KCNAB1: variants seen among roughly 807,000 people sequenced by gnomAD.
KCNAB1 encodes voltage-gated potassium channel subunit beta-1.
A neutral mutation model predicts 64.6 loss-of-function variants in KCNAB1; 35 were observed. The ratio of observed to expected loss-of-function variants is 0.54; its 90% confidence interval spans 0.41 to 0.72. KCNAB1 has a LOEUF of 0.72. Ranked by LOEUF, KCNAB1 falls within the 30% of genes least tolerant of loss-of-function variation. KCNAB1 has a pLI of 0.00. For missense variants in KCNAB1, 401 were observed against 512.9 expected, an observed-to-expected ratio of 0.78 and a Z score of 2.11; for synonymous variants, 177 against 183.8, an observed-to-expected ratio of 0.96 and a Z score of 0.30.
intron 8 of KCNAB1, among the ~76,000 whole-genome samples, chr3:156,499,100 G>GAA (rs1487086536): frequency 6.6e-6 from 1 of 152,334 alleles, no homozygotes; most frequent in East Asian, 1.9e-4. Context: ...GTGTTTTTGA[G>GAA]AAAGTTAGTT....
chr3:156,264,925 C>T (rs1363422930), intron 1 of KCNAB1, among the ~76,000 whole-genome samples: 1 of 152,184 alleles, frequency 6.6e-6, no homozygotes, highest in Non-Finnish European at 1.5e-5. Flanking sequence ...TTATTTGGTT[C>T]CCCAACTACT....
At chr3:156,453,993 C>T (rs16826202) in intron 3 of KCNAB1, among the ~76,000 whole-genome samples, 12,927 of 152,266 alleles carry the variant, frequency 0.085, 739 homozygotes, top group African/African-American at 0.16. Flanking sequence ...TCATTCCTAA[C>T]GAGACAGTTG....
At chr3:156,348,378 G>A (rs1724630944) in intron 1 of KCNAB1, among the ~76,000 whole-genome samples, 1 of 152,178 alleles carries the variant, frequency 6.6e-6, no homozygotes, top group South Asian at 2.1e-4. Flanking sequence ...AGATCAGGGT[G>A]GTGGCAGGAA....
intron 1 of KCNAB1, among the ~76,000 whole-genome samples, chr3:156,206,935 C>A (rs1714700556): frequency 6.6e-6 from 1 of 152,200 alleles, no homozygotes; most frequent in East Asian, 1.9e-4. Flanking sequence ...TTTATTTTTA[C>A]CAAGGAGCCT....
chr3:156,358,700 A>C (rs1298639196), intron 1 of KCNAB1, among the ~76,000 whole-genome samples: 1 of 152,086 alleles, frequency 6.6e-6, no homozygotes, highest in Admixed American at 6.6e-5. Flanking sequence ...GAGAGCCTGA[A>C]CTGGCTCTGG....
At chr3:156,364,210 A>C (rs766749707) in intron 1 of KCNAB1, among the ~76,000 whole-genome samples, 10 of 152,246 alleles carry the variant, frequency 6.6e-5, no homozygotes, top group Non-Finnish European at 1.3e-4. Flanking sequence ...TAGAATTAAG[A>C]GTACAGATTT....
At chr3:156,210,599 C>A (rs537574456) in intron 1 of KCNAB1, among the ~76,000 whole-genome samples, 1 of 152,284 alleles carries the variant, frequency 6.6e-6, no homozygotes, top group South Asian at 2.1e-4. Context: ...ATGCTGAGAG[C>A]AGCCATGCTA....
chr3:156,503,045 A>G (rs550463961), intron 8 of KCNAB1, among the ~76,000 whole-genome samples: 101 of 152,368 alleles, frequency 6.6e-4, no homozygotes, highest in Non-Finnish European at 9.7e-4. Flanking sequence ...CAATAATAGC[A>G]TTGTACTCTA....
At position 156,284,709 on chromosome 3, in the gene KCNAB1, G is replaced by T. The variant is rs535931699; in HGVS notation, c.276-136907G>T. The stretch of plus-strand genomic sequence containing the variant: ...AGCCCGTCGGAAAAGTGCAGTATTC[G>T]GGTGGGAGTGACCCGATTTTCCAGG... On this transcript the variant is annotated intron_variant, in intron 1 of 13. Transcript: ENST00000490337. Among the ~76,000 whole-genome samples, 60 of 152,278 alleles carry T rather than the reference G, an allele frequency of 3.9e-4. 1 individual carries two copies. In the South Asian group the frequency reaches 0.011, roughly 28 times the overall value.
intron 1 of KCNAB1, among the ~76,000 whole-genome samples, chr3:156,362,325 C>T (rs2108109460): frequency 6.6e-6 from 1 of 152,310 alleles, no homozygotes; most frequent in Middle Eastern, 3.4e-3. Flanking sequence ...AGTGAAGCAA[C>T]AGTTAAATGC....
At chr3:156,202,141 G>T (rs1014870934) in intron 1 of KCNAB1, among the ~76,000 whole-genome samples, 3 of 152,168 alleles carry the variant, frequency 2.0e-5, no homozygotes, top group African/African-American at 7.2e-5. Context: ...TGCTACAGAT[G>T]CTTCCACACC....
chr3:156,508,160 C>T lies in KCNAB1; in HGVS notation c.659-6204C>T, dbSNP rs1716947076. On this transcript the variant is annotated intron_variant, in intron 8 of 13. Transcript: ENST00000490337. This position sits in a 1 kb window ranked among gnomAD's most constrained non-coding sequence, Gnocchi z 4.1. ...CTTTTAATTATGCCTAAAAACTTCA[C>T]TCCTAACCTGTTTCCTCATCTAGAA... is the stretch of plus-strand genomic sequence containing the variant. Among the ~76,000 whole-genome samples, 1 of 152,178 alleles carries T rather than the reference C, an allele frequency of 6.6e-6. No individual in the cohort carries two copies. The highest frequency in any genetic ancestry group is 6.5e-5 in the Admixed American group (1 of 15,290).
intron 1 of KCNAB1, among the ~76,000 whole-genome samples, chr3:156,219,964 G>A (rs370820552): frequency 6.6e-5 from 10 of 151,716 alleles, no homozygotes; most frequent in African/African-American, 2.2e-4. Context: ...GAGAACATGC[G>A]GTGTTTGCTT....
chr3:156,454,241 GA>G (rs932925161), intron 3 of KCNAB1, among the ~76,000 whole-genome samples: 8 of 152,242 alleles, frequency 5.3e-5, no homozygotes, highest in African/African-American at 1.9e-4. Context: ...GGGCAGGGAA[GA>G]AAGCAGCACT....
chr3:156,340,049 G>C (rs756714179), intron 1 of KCNAB1, among the ~76,000 whole-genome samples: 2 of 152,118 alleles, frequency 1.3e-5, no homozygotes, highest in African/African-American at 2.4e-5. Flanking sequence ...CTAGTATTAT[G>C]GTTTGTGTCA....
chr3:156,331,165 C>A (rs1409050043), intron 1 of KCNAB1, among the ~76,000 whole-genome samples: 1 of 152,152 alleles, frequency 6.6e-6, no homozygotes, highest in South Asian at 2.1e-4. Context: ...GACTGGCTTG[C>A]AAACAATATT....
rs578152219 is a variant in KCNAB1 at position 156,500,939 on chromosome 3, T to C, written c.659-13425T>C. On this transcript the variant is annotated intron_variant, in intron 8 of 13. Transcript: ENST00000490337. ...TTTGAGGGGCTTCACTGACTACATA[T>C]CAATATACTAGCATAGACTGCAGCA... Among the ~76,000 whole-genome samples, 11 of 152,292 alleles carry C rather than the reference T, an allele frequency of 7.2e-5. No individual in the cohort carries two copies. The East Asian group carries it at 1.9e-3, about 27-fold the overall frequency.
intron 1 of KCNAB1, among the ~76,000 whole-genome samples, chr3:156,315,805 C>T (rs1225746946): frequency 6.6e-6 from 1 of 152,050 alleles, no homozygotes; most frequent in Non-Finnish European, 1.5e-5. Context: ...ATGGTGAATA[C>T]AATTTTCTTA....
At chr3:156,512,466 A>G (rs1310635576) in intron 8 of KCNAB1, among the ~76,000 whole-genome samples, 1 of 152,236 alleles carries the variant, frequency 6.6e-6, no homozygotes, top group East Asian at 1.9e-4. Flanking sequence ...GTTTATCAGC[A>G]TGTTTGATTC....
Sources: gnomAD v4.1 joint callset for allele counts (sites outside exome capture counted in the v4.1 genomes callset) on GRCh38, gnomAD v4.1.1 for gene constraint, Gnocchi (gnomAD v3.1) non-coding constraint, MANE v1.5 for transcripts, NCBI Gene and HGNC (gene_info 2026-07-23, HGNC 2026-07-21) for gene names.